Variants in ABCB1 observed in about 807,000 individuals in gnomAD.
ABCB1 encodes the protein ATP-dependent translocase ABCB1.
Under a neutral mutation model 142.0 loss-of-function variants are expected in ABCB1, and 69 were observed. The observed-to-expected ratio is 0.49, with a 90% CI of 0.40 to 0.59. The LOEUF is 0.59. Ranked by LOEUF, ABCB1 falls within the 20% of genes least tolerant of loss-of-function variation. The pLI, the probability that ABCB1 is intolerant of heterozygous loss-of-function variation, is 0.00. For synonymous variants in ABCB1, 532 were observed against 539.2 expected, an observed-to-expected ratio of 0.99 and a Z score of 0.18; for missense variants, 1,326 against 1,554.7, an observed-to-expected ratio of 0.85 and a Z score of 2.47.
chr7:87,554,403 C>G (rs1219991280), intron 8 of ABCB1, among the ~76,000 whole-genome samples: 1 of 151,464 alleles, frequency 6.6e-6, no homozygotes, highest in East Asian at 1.9e-4. Flanking sequence ...ACAGTTTGCT[C>G]TCTGTCCTGC....
At chr7:87,508,551 A>G (rs190609694) in intron 26 of ABCB1, among the ~76,000 whole-genome samples, 1 of 152,290 alleles carries the variant, frequency 6.6e-6, no homozygotes, top group East Asian at 1.9e-4. Flanking sequence ...CATTTATCCA[A>G]CTTCCTAGGA....
At chr7:87,625,979 T>C (rs1319952297) in intron 1 of ABCB1, among the ~76,000 whole-genome samples, 2 of 147,096 alleles carry the variant, frequency 1.4e-5, no homozygotes, top group Non-Finnish European at 3.0e-5. Flanking sequence ...GGAATATATA[T>C]ATATATATGT....
intron 1 of ABCB1, among the ~76,000 whole-genome samples, chr7:87,651,787 A>C (rs1823596360): frequency 6.6e-6 from 1 of 152,100 alleles, no homozygotes; most frequent in Non-Finnish European, 1.5e-5. Context: ...TAAGTGTTTA[A>C]ATGAGTTGAG....
chr7:87,579,815 G>C (rs1043863837), intron 4 of ABCB1, among the ~76,000 whole-genome samples: 1 of 151,964 alleles, frequency 6.6e-6, no homozygotes, highest in African/African-American at 2.4e-5. Context: ...TGTATCTGCT[G>C]TATGTTATTT....
chr7:87,697,550 C>CA (rs1828599741), intron 1 of ABCB1, among the ~76,000 whole-genome samples: 1 of 152,170 alleles, frequency 6.6e-6, no homozygotes, highest in Admixed American at 6.5e-5. Flanking sequence ...TCTCTAGATT[C>CA]CAAAGCAAGT....
chr7:87,693,879 G>A (rs1563139101), intron 1 of ABCB1: 1 of 1,597,836 alleles, frequency 6.3e-7, no homozygotes, highest in Non-Finnish European at 8.5e-7. Context: ...AAATATCTGT[G>A]TGTTGTTGTT....
chr7:87,651,433 A>G (rs1013213414), intron 1 of ABCB1, among the ~76,000 whole-genome samples: 1 of 152,108 alleles, frequency 6.6e-6, no homozygotes, highest in Non-Finnish European at 1.5e-5. Flanking sequence ...CAACAATTTA[A>G]AGGGGAACTT....
chr7:87,673,153 T>C (rs1171887398), intron 1 of ABCB1, among the ~76,000 whole-genome samples: 1 of 152,224 alleles, frequency 6.6e-6, no homozygotes, highest in Non-Finnish European at 1.5e-5. Flanking sequence ...TAACATTTTT[T>C]CTTTCATTTT....
chr7:87,611,038 T>TAAAA (rs1286310402), intron 1 of ABCB1, among the ~76,000 whole-genome samples: 1 of 152,180 alleles, frequency 6.6e-6, no homozygotes, highest in Non-Finnish European at 1.5e-5. Flanking sequence ...TTCTCCACAT[T>TAAAA]TACTCTGGTC....
At chr7:87,582,337 T>C (rs1041501287) in intron 4 of ABCB1, among the ~76,000 whole-genome samples, 1 of 152,240 alleles carries the variant, frequency 6.6e-6, no homozygotes, top group Non-Finnish European at 1.5e-5. Flanking sequence ...TTCCTCTATA[T>C]GGAGTCAGGT....
intron 1 of ABCB1, among the ~76,000 whole-genome samples, chr7:87,672,045 G>A (rs1395461148): frequency 3.9e-5 from 6 of 152,050 alleles, no homozygotes; most frequent in Non-Finnish European, 7.4e-5. Flanking sequence ...TTCTGCCCCT[G>A]GTCTGCTCAG....
At position 87,549,943 on chromosome 7, in the gene ABCB1, T is replaced by G; in HGVS notation, c.1462A>C (p.Ile488Leu). The change falls in exon 13 of 28, where the codon ATT becomes CTT. Residue 488 changes from isoleucine (I) to leucine (L), a missense_variant. Coordinates refer to ENST00000622132, the MANE Select transcript of ABCB1 (RefSeq NM_001348946.2). The part of the protein sequence containing the change: ...VLFATTIAEN[I>L]RYGRENVTMD... ...GTGACATTTTCACGGCCATAGCGAA[T>G]GTTTTCAGCTATCGTGGTGGCAAAC... is the stretch of plus-strand genomic sequence containing the variant. The G allele has an allele frequency of 6.2e-7, 1 of 1,614,198 alleles. No homozygotes were observed. The highest frequency in any genetic ancestry group is 8.5e-7 in the Non-Finnish European group (1 of 1,180,028).
intron 17 of ABCB1, among the ~76,000 whole-genome samples, chr7:87,542,566 C>A (rs1816588244): frequency 6.6e-6 from 1 of 152,192 alleles, no homozygotes; most frequent in Non-Finnish European, 1.5e-5. Flanking sequence ...TCACTTACCT[C>A]CAGACTTATT....
intron 20 of ABCB1, among the ~76,000 whole-genome samples, chr7:87,534,981 G>A (rs1285972006): frequency 6.8e-6 from 1 of 146,468 alleles, no homozygotes; most frequent in Non-Finnish European, 1.5e-5. Flanking sequence ...AGAATTTGGA[G>A]TCATCTTTAA....
Position 87,591,898 on chromosome 7 carries a change from C to T in ABCB1, c.117+3868G>A, listed in dbSNP as rs577403258. Among the ~76,000 whole-genome samples, 17 of 152,142 alleles carry T rather than the reference C, an allele frequency of 1.1e-4. 1 individual carries two copies. The Middle Eastern group carries it at 0.01, about 91-fold the overall frequency. On this transcript the variant is annotated intron_variant, in intron 3 of 27. Transcript: ENST00000622132. Reference sequence around the variant, plus strand: ...GGGTTGAGGAACTTAACTTTACAGGCGAGGGCAGCACAAGAAAAAGCCAAA... The same window carrying T: ...GGGTTGAGGAACTTAACTTTACAGGTGAGGGCAGCACAAGAAAAAGCCAAA...
intron 1 of ABCB1, among the ~76,000 whole-genome samples, chr7:87,659,540 A>G (rs918066252): frequency 6.6e-6 from 1 of 152,164 alleles, no homozygotes; most frequent in Non-Finnish European, 1.5e-5. Context: ...TACATATAGG[A>G]CCACATTAGA....
intron 17 of ABCB1, among the ~76,000 whole-genome samples, chr7:87,541,784 T>C (rs1195810273): frequency 6.6e-6 from 1 of 152,226 alleles, no homozygotes; most frequent in Non-Finnish European, 1.5e-5. Flanking sequence ...GGAACTACAT[T>C]TATGGCAGTT....
intron 25 of ABCB1, among the ~76,000 whole-genome samples, chr7:87,510,338 A>T (rs1814953290): frequency 2.6e-5 from 4 of 152,222 alleles, no homozygotes; most frequent in Admixed American, 2.6e-4. Flanking sequence ...GGGGTAGGAA[A>T]GGGTGAATGG....
intron 1 of ABCB1, among the ~76,000 whole-genome samples, chr7:87,678,521 G>T (rs1826604640): frequency 6.6e-6 from 1 of 151,986 alleles, no homozygotes. Context: ...AAACATTAAA[G>T]TTATCCAAAA....
Sources: gnomAD v4.1 joint callset for allele counts (sites outside exome capture counted in the v4.1 genomes callset) on GRCh38, gnomAD v4.1.1 for gene constraint, MANE v1.5 for transcripts, NCBI Gene and HGNC (gene_info 2026-07-23, HGNC 2026-07-21) for gene names.